The following RARRES1 variants were observed in gnomAD, a reference collection of about 807,000 sequenced individuals.
RARRES1 encodes retinoic acid receptor responder protein 1.
RARRES1 carries 34 observed loss-of-function variants against 30.6 expected under a neutral mutation model. The ratio of observed to expected loss-of-function variants is 1.11; its 90% confidence interval spans 0.84 to 1.48. The LOEUF is 1.48. RARRES1 is among the 40% of genes most tolerant of loss of function. The pLI is 0.00. For synonymous variants in RARRES1, 153 were observed against 155.5 expected (o/e 0.98, Z 0.12); for missense variants, 373 against 386.5 (o/e 0.97, Z 0.29).
chr3:158,708,035 G>T (rs1726981674), intron 3 of RARRES1, among the ~76,000 whole-genome samples: 1 of 152,176 alleles, frequency 6.6e-6, no homozygotes, highest in South Asian at 2.1e-4. Context: ...ATTGTAGAAA[G>T]TATGTTTCGG....
chr3:158,728,743 T>C (rs56318834), intron 1 of RARRES1, among the ~76,000 whole-genome samples: 33,720 of 151,844 alleles, frequency 0.22, 3,845 homozygotes, highest in African/African-American at 0.25. Context: ...AGGCTGGTCT[T>C]GAACTCCTGA....
chr3:158,721,587 C>T (rs775709010), intron 1 of RARRES1, among the ~76,000 whole-genome samples: 4 of 152,092 alleles, frequency 2.6e-5, no homozygotes, highest in African/African-American at 7.2e-5. Context: ...AGATTGACGC[C>T]GAGACTATTC....
intron 1 of RARRES1, among the ~76,000 whole-genome samples, chr3:158,730,745 C>A (rs1391897240): frequency 6.6e-6 from 1 of 151,980 alleles, no homozygotes. Flanking sequence ...AGCCACCATG[C>A]CCCAGCAGGT....
At chr3:158,717,706 G>A (rs1727367550) in intron 1 of RARRES1, among the ~76,000 whole-genome samples, 1 of 152,196 alleles carries the variant, frequency 6.6e-6, no homozygotes, top group South Asian at 2.1e-4. Context: ...GAGGAGTTGT[G>A]CAGAGTTAAT....
chr3:158,701,042 G>A (rs1726704586), intron 4 of RARRES1, among the ~76,000 whole-genome samples: 1 of 152,220 alleles, frequency 6.6e-6, no homozygotes, highest in Non-Finnish European at 1.5e-5. Context: ...GTTTCTATAT[G>A]TAGCTTTGGC....
At chr3:158,720,273 T>TGTGTGTGTGTGA (rs1160861397) in intron 1 of RARRES1, among the ~76,000 whole-genome samples, 11 of 144,512 alleles carry the variant, frequency 7.6e-5, no homozygotes, top group African/African-American at 2.8e-4. Context: ...TGTATGTGTG[T>TGTGTGTGTGTGA]GAGAGAGAGA....
intron 1 of RARRES1, among the ~76,000 whole-genome samples, chr3:158,719,980 G>A (rs1483396485): frequency 2.6e-5 from 4 of 152,050 alleles, no homozygotes; most frequent in Admixed American, 6.6e-5. Flanking sequence ...TGCCTCACCC[G>A]ACCCAACATA....
intron 4 of RARRES1, among the ~76,000 whole-genome samples, chr3:158,701,584 C>G (rs1419014728): frequency 6.6e-6 from 1 of 152,198 alleles, no homozygotes; most frequent in African/African-American, 2.4e-5. Context: ...GCCATACTGG[C>G]TTTCTCAGCC....
chr3:158,732,053 C>T, intron 1 of RARRES1, 87 bp downstream of exon 1: 1 of 1,208,128 alleles, frequency 8.3e-7, no homozygotes, highest in Non-Finnish European at 1.1e-6. Flanking sequence ...ATCCGTTGGG[C>T]CGGCAGGCGC....
intron 3 of RARRES1, among the ~76,000 whole-genome samples, chr3:158,708,777 T>C (rs9825696): frequency 0.58 from 87,472 of 151,844 alleles, 25,944 homozygotes; most frequent in African/African-American, 0.72. Flanking sequence ...CGCGATTCTT[T>C]TGCCTCAGCC....
At chr3:158,711,149 A>T in intron 2 of RARRES1, among the ~76,000 whole-genome samples, 1 of 152,150 alleles carries the variant, frequency 6.6e-6, no homozygotes, top group South Asian at 2.1e-4. Flanking sequence ...TTGTGACTTT[A>T]TAAAATGACA....
At position 158,699,777 on chromosome 3, in the gene RARRES1, A is replaced by G. The variant is rs533208209; in HGVS notation, c.673-1807T>C. 2.0e-5 allele frequency among the ~76,000 whole-genome samples: 3 copies of G among 152,306 alleles called. No homozygotes were observed. The South Asian group carries it at 6.2e-4, about 32-fold the overall frequency. On this transcript the variant is annotated intron_variant, in intron 4 of 5. Coordinates refer to ENST00000237696, the MANE Select transcript of RARRES1 (RefSeq NM_206963.2). Reference sequence around the variant, plus strand: ...CAAACATCTGAGGCACAAGCTGGAAAGTCAGAGAATTCATGAGAGAAAATT... The same window carrying G: ...CAAACATCTGAGGCACAAGCTGGAAGGTCAGAGAATTCATGAGAGAAAATT...
chr3:158,726,562 T>C (rs1171290255), intron 1 of RARRES1, among the ~76,000 whole-genome samples: 1 of 152,258 alleles, frequency 6.6e-6, no homozygotes, highest in Non-Finnish European at 1.5e-5. Flanking sequence ...GTAAATATTC[T>C]GTAAACTGGT....
At chr3:158,704,052 A>G (rs913977478) in intron 4 of RARRES1, among the ~76,000 whole-genome samples, 1 of 152,070 alleles carries the variant, frequency 6.6e-6, no homozygotes, top group Non-Finnish European at 1.5e-5. Flanking sequence ...AATCATACCA[A>G]AATCCTAAAA....
intron 1 of RARRES1, among the ~76,000 whole-genome samples, chr3:158,720,271 T>TGA (rs1381094640): frequency 4.0e-5 from 6 of 148,784 alleles, no homozygotes; most frequent in African/African-American, 1.5e-4. Flanking sequence ...TGTGTATGTG[T>TGA]GTGAGAGAGA....
intron 4 of RARRES1, among the ~76,000 whole-genome samples, chr3:158,700,209 G>GTGTA (rs1348130421): frequency 2.8e-4 from 42 of 150,432 alleles, no homozygotes; most frequent in African/African-American, 1.0e-3. Flanking sequence ...ATAAGTGTGT[G>GTGTA]TGTGTGTGTG....
chr3:158,732,431 G>T lies in RARRES1; in HGVS notation c.-16C>A, dbSNP rs1727949407. ...GGGGCTGCATGGACGCAGGAAAGTT[G>T]GCTCGGCACCCGACAGACACGGGCT... On this transcript the variant is annotated 5_prime_UTR_variant, in exon 1 of 6. Transcript: ENST00000237696. The T allele has an allele frequency of 9.9e-6, 15 of 1,517,258 alleles. No homozygotes were observed. Among genetic ancestry groups the T allele is most frequent in the Non-Finnish European group, 1.3e-5 (15 of 1,137,774 alleles). The allele number at this position is 1,517,258 out of a possible 1,614,324, so 94.0% of individuals were successfully genotyped here.
intron 1 of RARRES1, among the ~76,000 whole-genome samples, 186 bp from the exon 2 acceptor site, chr3:158,714,045 A>G (rs1412411240): frequency 6.6e-6 from 1 of 152,080 alleles, no homozygotes; most frequent in Admixed American, 6.6e-5. Context: ...TCTGCTTGCT[A>G]GTTTGACACC....
At chr3:158,718,286 A>T (rs2108146242) in intron 1 of RARRES1, among the ~76,000 whole-genome samples, 1 of 152,228 alleles carries the variant, frequency 6.6e-6, no homozygotes, top group East Asian at 1.9e-4. Context: ...CCTTAAAACA[A>T]CATTTTTAAC....
Sources: gnomAD v4.1 joint callset for allele counts (sites outside exome capture counted in the v4.1 genomes callset) on GRCh38, gnomAD v4.1.1 for gene constraint, MANE v1.5 for transcripts, NCBI Gene and HGNC (gene_info 2026-07-23, HGNC 2026-07-21) for gene names.